Variants in IGFBP4 observed in about 807,000 individuals in gnomAD.
IGFBP4 encodes the protein insulin-like growth factor-binding protein 4.
Under a neutral mutation model 25.8 loss-of-function variants are expected in IGFBP4, and 9 were observed. That is an observed-to-expected ratio of 0.35 (90% CI 0.21 to 0.61). IGFBP4 has a LOEUF of 0.61. Among genes scored for constraint, IGFBP4 ranks in the 20% least tolerant of loss-of-function variants. The pLI is 0.77. For missense variants in IGFBP4, 315 were observed against 365.3 expected (o/e 0.86, Z 1.12); for synonymous variants, 153 against 153.9 (o/e 0.99, Z 0.05).
chr17:40,453,090 G>C lies in IGFBP4; in HGVS notation c.455G>C (p.Ser152Thr), dbSNP rs778987568. The C allele has an allele frequency of 1.9e-6, 3 of 1,600,872 alleles. No homozygotes were observed. In the Admixed American group the frequency reaches 5.2e-5, roughly 28 times the overall value. Reference protein sequence around the residue: ...HFAKIRDRSTSGGKMKVNGAP... With the variant: ...HFAKIRDRSTTGGKMKVNGAP... ...GCCAAAATTCGAGACCGGAGCACCA[G>C]TGGGGGCAAGATGAAGGTCAATGGG... Residue 152 changes from serine to threonine, a missense_variant, in exon 2 of 4, where the codon AGT becomes ACT. Transcript: ENST00000269593. The surrounding 1 kb of genome is among the most constrained non-coding windows in gnomAD (Gnocchi z 4.0).
At position 40,443,795 on chromosome 17, in the gene IGFBP4, G is replaced by C; in HGVS notation, c.60G>C (p.Leu20=). ...LLLAAGPGPS[L]GDEAIHCPPC... is the part of the protein sequence containing the mutation. Reference sequence around the variant, plus strand: ...TGGCCGCCGGGCCCGGGCCGAGCCTGGGCGACGAAGCCATCCACTGCCCGC... The same window carrying C: ...TGGCCGCCGGGCCCGGGCCGAGCCTCGGCGACGAAGCCATCCACTGCCCGC... The change falls in exon 1 of 4, where the codon CTG becomes CTC. Residue 20 remains leucine, a synonymous_variant. Coordinates refer to ENST00000269593, the MANE Select transcript of IGFBP4 (RefSeq NM_001552.3). 1.3e-6 allele frequency: 2 copies of C among 1,524,216 alleles called. No homozygotes were observed. The highest frequency in any genetic ancestry group is 1.7e-6 in the Non-Finnish European group (2 of 1,143,854). The allele number at this position is 1,524,216 out of a possible 1,614,324, so 94.4% of individuals were successfully genotyped here. A position where few individuals can be genotyped will look rare whatever the true frequency, so the allele number is the denominator to read the frequency against.
chr17:40,453,562 G>T lies in IGFBP4; in HGVS notation c.508-366G>T, dbSNP rs1010256679. ...GCCTGGGACCCTGCTCCAGGGTCTGGCTAATTTCCCTTCTGAAGGTCTTAC... is the reference window on the plus strand; with the variant it reads ...GCCTGGGACCCTGCTCCAGGGTCTGTCTAATTTCCCTTCTGAAGGTCTTAC... On this transcript the variant is annotated intron_variant, in intron 2 of 3. Coordinates refer to ENST00000269593, the MANE Select transcript of IGFBP4 (RefSeq NM_001552.3). The surrounding 1 kb of genome is among the most constrained non-coding windows in gnomAD (Gnocchi z 4.0). 6.6e-6 allele frequency among the ~76,000 whole-genome samples: 1 copy of T among 152,030 alleles called. No individual in the cohort carries two copies. Among genetic ancestry groups the T allele is most frequent in the African/African-American group, 2.4e-5 (1 of 41,388 alleles).
chr17:40,443,945 C>T lies in IGFBP4; in HGVS notation c.210C>T (p.Tyr70=). ...ALGLGMPCGV[Y]TPRCGSGLRC... Reference sequence around the variant, plus strand: ...GCTTGGGGATGCCCTGCGGGGTGTACACCCCCCGTTGCGGCTCGGGCCTGC... The same window carrying T: ...GCTTGGGGATGCCCTGCGGGGTGTATACCCCCCGTTGCGGCTCGGGCCTGC... Residue 70 remains tyrosine (Y), a synonymous_variant, in exon 1 of 4, where the codon TAC becomes TAT. Coordinates refer to ENST00000269593, the MANE Select transcript of IGFBP4 (RefSeq NM_001552.3). 1 of 1,532,162 alleles carries T rather than the reference C, an allele frequency of 6.5e-7. No individual in the cohort carries two copies. The highest frequency in any genetic ancestry group is 1.4e-5 in the African/African-American group (1 of 72,678). The allele number at this position is 1,532,162 out of a possible 1,614,324, so 94.9% of individuals were successfully genotyped here. A position where few individuals can be genotyped will look rare whatever the true frequency, so the allele number is the denominator to read the frequency against.
intron 1 of IGFBP4, among the ~76,000 whole-genome samples, chr17:40,449,343 C>G (rs1016048572): frequency 2.6e-5 from 4 of 152,140 alleles, no homozygotes; most frequent in African/African-American, 9.7e-5. Flanking sequence ...AAGCTCAGCA[C>G]TGTGGCTCAC....
intron 1 of IGFBP4, among the ~76,000 whole-genome samples, chr17:40,449,148 G>A (rs1160504113): frequency 6.6e-6 from 1 of 152,134 alleles, no homozygotes; most frequent in Non-Finnish European, 1.5e-5. Flanking sequence ...CTTTTCGTAG[G>A]TAACCCTCTG....
At chr17:40,446,355 C>G (rs993929470) in intron 1 of IGFBP4, among the ~76,000 whole-genome samples, 1 of 149,908 alleles carries the variant, frequency 6.7e-6, no homozygotes, top group Non-Finnish European at 1.5e-5. Context: ...GTGGCTCACA[C>G]CTGTAATCTC....
chr17:40,446,603 G>A (rs566146197), intron 1 of IGFBP4, among the ~76,000 whole-genome samples: 7 of 152,210 alleles, frequency 4.6e-5, no homozygotes, highest in African/African-American at 1.7e-4. Context: ...GTGACAGAGC[G>A]AGACTCTGTC....
chr17:40,453,081 G>C lies in IGFBP4; in HGVS notation c.446G>C (p.Arg149Pro). 6.2e-7 allele frequency: 1 copy of C among 1,601,324 alleles called. No homozygotes were observed. The highest frequency in any genetic ancestry group is 8.5e-7 in the Non-Finnish European group (1 of 1,173,762). ...AAGCACTTCGCCAAAATTCGAGACC[G>C]GAGCACCAGTGGGGGCAAGATGAAG... ...LQKHFAKIRD[R>P]STSGGKMKVN... The change falls in exon 2 of 4, where the codon CGG becomes CCG. Residue 149 changes from arginine to proline, a missense_variant. Arg to Pro is a moderately radical substitution (Grantham distance 103). Coordinates refer to ENST00000269593, the MANE Select transcript of IGFBP4 (RefSeq NM_001552.3). The surrounding 1 kb of genome is among the most constrained non-coding windows in gnomAD (Gnocchi z 4.0).
chr17:40,445,012 C>A (rs1288298137), intron 1 of IGFBP4, among the ~76,000 whole-genome samples: 1 of 150,484 alleles, frequency 6.6e-6, no homozygotes, highest in Non-Finnish European at 1.5e-5. Context: ...GCCCTAACCT[C>A]ATTCTTACAC....
intron 1 of IGFBP4, among the ~76,000 whole-genome samples, chr17:40,448,119 A>G (rs978043401): frequency 6.6e-6 from 1 of 152,142 alleles, no homozygotes; most frequent in Non-Finnish European, 1.5e-5. Context: ...GAGGGAAAAG[A>G]CCTTTCTAGC....
At position 40,456,889 on chromosome 17, in the gene IGFBP4, T is replaced by TTCAC; in HGVS notation, c.*318_*321dup. 2.7e-6 allele frequency: 1 copy of TTCAC among 373,772 alleles called. No homozygotes were observed. Among genetic ancestry groups the TTCAC allele is most frequent in the Non-Finnish European group, 4.8e-6 (1 of 207,842 alleles). 23.2% of individuals were successfully genotyped at this position (373,772 alleles called of 1,614,324 possible). A position where few individuals can be genotyped will look rare whatever the true frequency, so the allele number is the denominator to read the frequency against. ...GGTGTGTTTCCAGATCGATCCTGGA[T>TTCAC]TCACTCACTCACTCATTCCTTCACT... On this transcript the variant is annotated 3_prime_UTR_variant, in exon 4 of 4. Coordinates refer to ENST00000269593, the MANE Select transcript of IGFBP4 (RefSeq NM_001552.3).
intron 3 of IGFBP4, 88 bp from the exon 4 acceptor site, chr17:40,456,361 G>GGGGCT: frequency 1.4e-6 from 2 of 1,430,612 alleles, no homozygotes; most frequent in Non-Finnish European, 1.9e-6. Flanking sequence ...GTCTGACTTG[G>GGGGCT]GGGCTGGGCT....
chr17:40,452,955 T>C (rs1009728), intron 1 of IGFBP4, 30 bp from the exon 2 acceptor site: 452,189 of 1,450,950 alleles, frequency 0.31, 73,456 homozygotes, highest in East Asian at 0.52. Context: ...CTTCCGGTGC[T>C]GACCTCTCCT....
chr17:40,447,502 A>G (rs1310137892), intron 1 of IGFBP4, among the ~76,000 whole-genome samples: 1 of 152,032 alleles, frequency 6.6e-6, no homozygotes, highest in Non-Finnish European at 1.5e-5. Context: ...CTGCCCCCCT[A>G]CTTCAGTACT....
Position 40,450,615 on chromosome 17 carries a change from G to C in IGFBP4, c.350-2370G>C, listed in dbSNP as rs1416760601. Reference sequence around the variant, plus strand: ...TGCAGTGGCACAATCATAGCTCACTGTAGCCTTGATGTACTGGGGTCAAGC... The same window carrying C: ...TGCAGTGGCACAATCATAGCTCACTCTAGCCTTGATGTACTGGGGTCAAGC... On this transcript the variant is annotated intron_variant, in intron 1 of 3. Coordinates refer to ENST00000269593, the MANE Select transcript of IGFBP4 (RefSeq NM_001552.3). Among the ~76,000 whole-genome samples the C allele has an allele frequency of 2.6e-5, 4 of 151,848 alleles. No homozygotes were observed. The East Asian group carries it at 7.7e-4, about 29-fold the overall frequency.
chr17:40,446,323 A>G (rs1336611467), intron 1 of IGFBP4, among the ~76,000 whole-genome samples: 2 of 151,726 alleles, frequency 1.3e-5, no homozygotes, highest in Non-Finnish European at 2.9e-5. Flanking sequence ...AAAAAAAAAA[A>G]AAAAAAAGTA....
rs2035717834 is a variant in IGFBP4 at position 40,456,815 on chromosome 17, C to T, written c.*232C>T. 2 of 544,968 alleles carry T rather than the reference C, an allele frequency of 3.7e-6. No homozygotes were observed. Among genetic ancestry groups the T allele is most frequent in the African/African-American group, 2.0e-5 (1 of 50,872 alleles). 33.8% of individuals were successfully genotyped at this position (544,968 alleles called of 1,614,324 possible). On this transcript the variant is annotated 3_prime_UTR_variant, in exon 4 of 4. Coordinates refer to ENST00000269593, the MANE Select transcript of IGFBP4 (RefSeq NM_001552.3). ...CTGGGGTGTTCTCTTTGGTGTTACA[C>T]AGCCCAAGAGGACTGAGACTGGCAC...
chr17:40,454,850 C>T (rs759649846), intron 3 of IGFBP4, among the ~76,000 whole-genome samples: 12 of 152,112 alleles, frequency 7.9e-5, no homozygotes, highest in Non-Finnish European at 1.5e-4. Flanking sequence ...AGCTCTTTGT[C>T]GACGTAGACA....
At chr17:40,454,122 CTCCGCAGGATGG>C in intron 3 of IGFBP4, 60 bp downstream of exon 3, 1 of 1,571,864 alleles carries the variant, frequency 6.4e-7, no homozygotes, top group Non-Finnish European at 8.6e-7. Context: ...TTTCCGGCCT[CTCCGCAGGATGG>C]TCCTGGATGG....
Sources: allele counts gnomAD v4.1 joint callset (sites outside exome capture counted in the v4.1 genomes callset), GRCh38; gene constraint gnomAD v4.1.1; non-coding constraint Gnocchi (gnomAD v3.1); transcripts MANE v1.5; gene names NCBI Gene and HGNC (gene_info 2026-07-23, HGNC 2026-07-21).